Variants in DNAL1 observed in about 807,000 individuals in gnomAD.
The protein encoded by DNAL1 is chromosome 14 open reading frame 168.
A neutral mutation model predicts 29.4 loss-of-function variants in DNAL1; 17 were observed. That is an observed-to-expected ratio of 0.58 (90% confidence interval 0.40 to 0.87). The LOEUF (loss-of-function observed/expected upper bound fraction) is 0.87, where lower values mean the gene tolerates loss of function less well. Ranked by LOEUF, DNAL1 falls within the 40% of genes least tolerant of loss-of-function variation. The pLI is 0.00. For synonymous variants in DNAL1, 78 were observed against 76.3 expected (o/e 1.02, Z -0.12); for missense variants, 188 against 214.1 (o/e 0.88, Z 0.76).
intron 5 of DNAL1, among the ~76,000 whole-genome samples, chr14:73,671,947 G>C (rs1293829411): frequency 6.6e-6 from 1 of 152,132 alleles, no homozygotes; most frequent in African/African-American, 2.4e-5. Flanking sequence ...AATATTTCTT[G>C]TATCTGTTCC....
intron 1 of DNAL1, among the ~76,000 whole-genome samples, chr14:73,651,673 G>A (rs1010312491): frequency 2.6e-5 from 4 of 151,648 alleles, no homozygotes; most frequent in Non-Finnish European, 5.9e-5. Flanking sequence ...TTTTTATTTT[G>A]GAGACAAGAG....
At chr14:73,688,596 C>G (rs1892080912) in intron 6 of DNAL1, among the ~76,000 whole-genome samples, 1 of 152,036 alleles carries the variant, frequency 6.6e-6, no homozygotes, top group Non-Finnish European at 1.5e-5. Context: ...GCACTCCAGC[C>G]TGGGTGACAG....
At chr14:73,668,441 T>C (rs1891538986) in intron 4 of DNAL1, among the ~76,000 whole-genome samples, 1 of 152,208 alleles carries the variant, frequency 6.6e-6, no homozygotes, top group Non-Finnish European at 1.5e-5. Flanking sequence ...TCAAGAAGCT[T>C]TAAAGAATAA....
At chr14:73,645,567 A>G (rs1025514700) in intron 1 of DNAL1, among the ~76,000 whole-genome samples, 1 of 152,172 alleles carries the variant, frequency 6.6e-6, no homozygotes, top group Non-Finnish European at 1.5e-5. Context: ...TAGAGCAGTG[A>G]TTCTCAAATT....
intron 5 of DNAL1, among the ~76,000 whole-genome samples, chr14:73,684,621 G>C (rs1891968410): frequency 1.3e-5 from 2 of 152,178 alleles, no homozygotes; most frequent in Non-Finnish European, 2.9e-5. Context: ...GGTCAGCTGG[G>C]CATGGTGGCT....
intron 1 of DNAL1, among the ~76,000 whole-genome samples, chr14:73,648,894 AATAT>A (rs201566346): frequency 6.7e-6 from 1 of 149,906 alleles, no homozygotes; most frequent in Non-Finnish European, 1.5e-5. Context: ...AAGAATAATA[AATAT>A]ATATATTAAT....
At chr14:73,683,428 C>T (rs779108567) in intron 5 of DNAL1, among the ~76,000 whole-genome samples, 2 of 151,930 alleles carry the variant, frequency 1.3e-5, no homozygotes, top group African/African-American at 4.8e-5. Flanking sequence ...ATTTTTCAGC[C>T]CTATTATAAT....
chr14:73,694,968 C>T (rs1043924549), intron 7 of DNAL1, among the ~76,000 whole-genome samples: 1 of 149,986 alleles, frequency 6.7e-6, no homozygotes, highest in South Asian at 2.1e-4. Context: ...GGATTACAGG[C>T]GTGAGCCACC....
At position 73,652,931 on chromosome 14, in the gene DNAL1, T is replaced by C. The variant is rs149072184; in HGVS notation, c.4-1916T>C. The stretch of plus-strand genomic sequence containing the variant: ...TTAGTATGTCTTTACTTTCTAGACA[T>C]AATGGTATATATTTGTGAACAAAAA... On this transcript the variant is annotated intron_variant, in intron 1 of 7. Transcript: ENST00000553645. Among the ~76,000 whole-genome samples, 8 of 152,308 alleles carry C rather than the reference T, an allele frequency of 5.3e-5. No individual in the cohort carries two copies. In the East Asian group the frequency reaches 1.5e-3, roughly 29 times the overall value.
intron 5 of DNAL1, among the ~76,000 whole-genome samples, chr14:73,682,363 A>G (rs983810294): frequency 4.1e-5 from 3 of 72,722 alleles, no homozygotes; most frequent in Non-Finnish European, 8.6e-5. Flanking sequence ...TTTTTTTTGT[A>G]TTTTTAGTAC....
intron 3 of DNAL1, among the ~76,000 whole-genome samples, chr14:73,661,569 AC>A (rs1267537945): frequency 1.3e-5 from 2 of 152,068 alleles, no homozygotes; most frequent in Non-Finnish European, 2.9e-5. Flanking sequence ...ACATGGTGAA[AC>A]CCTGTCTCCA....
chr14:73,681,633 A>AATATATATATAT (rs71112793), intron 5 of DNAL1, among the ~76,000 whole-genome samples: 542 of 35,090 alleles, frequency 0.015, 13 homozygotes, highest in African/African-American at 0.034. Context: ...AAAAAAAAAA[A>AATATATATATAT]ATATATATAT....
At chr14:73,652,763 C>T (rs1288838290) in intron 1 of DNAL1, among the ~76,000 whole-genome samples, 1 of 152,092 alleles carries the variant, frequency 6.6e-6, no homozygotes, top group African/African-American at 2.4e-5. Context: ...TGTGTGAACG[C>T]CTATCTCATT....
At position 73,660,580 on chromosome 14, in the gene DNAL1, G is replaced by T. The variant is rs530395631; in HGVS notation, c.153-1407G>T. ...TCTGCATTTACAGTAAGCAACTTGG[G>T]TAATTCTAGGACACATATTTGTGAA... On this transcript the variant is annotated intron_variant, in intron 3 of 7. Transcript: ENST00000553645. Among the ~76,000 whole-genome samples the T allele has an allele frequency of 2.6e-5, 4 of 152,270 alleles. No homozygotes were observed. In the East Asian group the frequency reaches 7.7e-4, roughly 29 times the overall value.
intron 4 of DNAL1, among the ~76,000 whole-genome samples, chr14:73,671,081 C>A (rs8011821): frequency 0.19 from 28,206 of 152,116 alleles, 3,135 homozygotes; most frequent in African/African-American, 0.31. Flanking sequence ...TATTTAAAAA[C>A]TTGAAAGAAA....
intron 2 of DNAL1, 39 bp from the exon 3 acceptor site, chr14:73,658,808 A>T (rs1891273517): frequency 2.7e-6 from 4 of 1,501,052 alleles, no homozygotes; most frequent in Non-Finnish European, 3.7e-6. Context: ...TCCACATTGC[A>T]ATCATGGGTT....
chr14:73,653,478 A>AATAGCTAGGACT (rs1368224941), intron 1 of DNAL1, among the ~76,000 whole-genome samples: 1 of 152,060 alleles, frequency 6.6e-6, no homozygotes, highest in Non-Finnish European at 1.5e-5. Context: ...CAGCCTCCCA[A>AATAGCTAGGACT]ATAGCTAGGA....
At chr14:73,695,787 C>T in intron 7 of DNAL1, 115 bp from the exon 8 acceptor site, 1 of 757,116 alleles carries the variant, frequency 1.3e-6, no homozygotes, top group South Asian at 1.9e-5. Context: ...CCTCAGCCTC[C>T]CAAAGTGCTG....
intron 4 of DNAL1, among the ~76,000 whole-genome samples, chr14:73,668,221 A>G (rs764012584): frequency 6.7e-6 from 1 of 149,908 alleles, no homozygotes; most frequent in African/African-American, 2.4e-5. Flanking sequence ...TTCACTATCT[A>G]ATATACTTAC....
Sources: allele counts gnomAD v4.1 joint callset (sites outside exome capture counted in the v4.1 genomes callset), GRCh38; gene constraint gnomAD v4.1.1; transcripts MANE v1.5; gene names NCBI Gene and HGNC (gene_info 2026-07-23, HGNC 2026-07-21).